The following AGPAT5 variants were observed in gnomAD, a reference collection of about 807,000 sequenced individuals.
The protein encoded by AGPAT5 is 1-acyl-sn-glycerol-3-phosphate acyltransferase epsilon.
A neutral mutation model predicts 45.6 loss-of-function variants in AGPAT5; 46 were observed. That is an observed-to-expected ratio of 1.01 (90% CI 0.80 to 1.29). AGPAT5 has a LOEUF of 1.29. AGPAT5 is among the 50% of genes most tolerant of loss of function. The pLI, the probability that AGPAT5 is intolerant of heterozygous loss-of-function variation, is 0.00. For synonymous variants in AGPAT5, 272 were observed against 167.0 expected (o/e 1.63, Z -4.85); for missense variants, 673 against 450.7 (o/e 1.49, Z -4.47).
At chr8:6,724,697 T>C (rs1263285908) in intron 1 of AGPAT5, among the ~76,000 whole-genome samples, 173 bp from the exon 2 acceptor site, 1 of 152,206 alleles carries the variant, frequency 6.6e-6, no homozygotes, top group Non-Finnish European at 1.5e-5. Flanking sequence ...CATAACTGCT[T>C]TCTGTACCTG....
At chr8:6,723,153 T>A (rs1336159777) in intron 1 of AGPAT5, among the ~76,000 whole-genome samples, 2 of 152,338 alleles carry the variant, frequency 1.3e-5, no homozygotes, top group South Asian at 4.1e-4. Flanking sequence ...TAGCTTTGCC[T>A]ACTGGTGACA....
chr8:6,746,562 A>G (rs191378128), intron 5 of AGPAT5, among the ~76,000 whole-genome samples: 1 of 152,256 alleles, frequency 6.6e-6, no homozygotes, highest in Non-Finnish European at 1.5e-5. Flanking sequence ...TGACAAATAA[A>G]TGCTTCCCAG....
At chr8:6,737,365 G>T (rs938552003) in intron 4 of AGPAT5, among the ~76,000 whole-genome samples, 1 of 152,178 alleles carries the variant, frequency 6.6e-6, no homozygotes, top group Admixed American at 6.5e-5. Context: ...GTCAACTTTC[G>T]TGTGGCTTAC....
chr8:6,732,206 C>G (rs1800888477), intron 3 of AGPAT5, among the ~76,000 whole-genome samples: 1 of 152,042 alleles, frequency 6.6e-6, no homozygotes, highest in Non-Finnish European at 1.5e-5. Flanking sequence ...TTTAGTGACT[C>G]TGTAATAAGT....
intron 1 of AGPAT5, among the ~76,000 whole-genome samples, chr8:6,712,120 G>A (rs1225938146): frequency 2.6e-5 from 4 of 151,920 alleles, no homozygotes; most frequent in Admixed American, 2.0e-4. Flanking sequence ...ATTTCTTTAG[G>A]TATTTACGTA....
In AGPAT5 at chr8:6,757,355, A is replaced by G; in HGVS notation, c.1062A>G (p.Leu354=). ...LYVNTWIYGT[L]LGCLWVTIKA ...TGAACACCTGGATATATGGAACCCT[A>G]CTTGGCTGCCTGTGGGTTACTATTA... Residue 354 remains leucine (L), a synonymous_variant, in exon 8 of 8, where the codon CTA becomes CTG. Coordinates refer to ENST00000285518, the MANE Select transcript of AGPAT5 (RefSeq NM_018361.5). 1 of 1,614,206 alleles carries G rather than the reference A, an allele frequency of 6.2e-7. No homozygotes were observed. Among genetic ancestry groups the G allele is most frequent in the Non-Finnish European group, 8.5e-7 (1 of 1,180,034 alleles).
At chr8:6,747,864 G>T (rs372979832) in intron 6 of AGPAT5, 36 bp downstream of exon 6, 5 of 1,595,916 alleles carry the variant, frequency 3.1e-6, no homozygotes, top group Non-Finnish European at 4.3e-6. Context: ...GCCTGTACAC[G>T]GTATATACAG....
chr8:6,747,370 C>G (rs1025452718), intron 5 of AGPAT5, among the ~76,000 whole-genome samples: 7 of 152,198 alleles, frequency 4.6e-5, no homozygotes, highest in Non-Finnish European at 8.8e-5. Flanking sequence ...AGCGAGGGCA[C>G]TAATATTTAC....
At chr8:6,756,828 A>T (rs1488851579) in intron 7 of AGPAT5, among the ~76,000 whole-genome samples, 2 of 152,098 alleles carry the variant, frequency 1.3e-5, no homozygotes, top group African/African-American at 4.8e-5. Context: ...AAAAAGGAGG[A>T]GAAGCTGCAG....
chr8:6,732,359 G>GT (rs903735796), intron 3 of AGPAT5, among the ~76,000 whole-genome samples: 22 of 152,270 alleles, frequency 1.4e-4, no homozygotes, highest in African/African-American at 5.3e-4. Context: ...GTCACATGCA[G>GT]TTTTTTTGAA....
At chr8:6,725,770 T>G (rs1357418296) in intron 2 of AGPAT5, among the ~76,000 whole-genome samples, 4 of 152,146 alleles carry the variant, frequency 2.6e-5, no homozygotes, top group African/African-American at 9.7e-5. Flanking sequence ...ACCTAGAAGC[T>G]CAAAGCTGGA....
At chr8:6,712,091 T>C (rs1410715397) in intron 1 of AGPAT5, among the ~76,000 whole-genome samples, 2 of 152,232 alleles carry the variant, frequency 1.3e-5, no homozygotes, top group Non-Finnish European at 2.9e-5. Flanking sequence ...TGTAGTTATT[T>C]CGTAGTTTAA....
rs1801879121 is a variant in AGPAT5, at chr8:6,757,328, T to C, written c.1035T>C (p.Tyr345=). The C allele has an allele frequency of 1.2e-6, 2 of 1,614,232 alleles. No individual in the cohort carries two copies. Among genetic ancestry groups the C allele is most frequent in the Non-Finnish European group, 1.7e-6 (2 of 1,180,038 alleles). The change falls in exon 8 of 8, where the codon TAT becomes TAC. Residue 345 remains tyrosine, a synonymous_variant. Coordinates refer to ENST00000285518, the MANE Select transcript of AGPAT5 (RefSeq NM_018361.5). ...TGACCGATGCTGGAAGGAAGCTGTA[T>C]GTGAACACCTGGATATATGGAACCC... ...MLMTDAGRKL[Y]VNTWIYGTLL...
intron 6 of AGPAT5, among the ~76,000 whole-genome samples, chr8:6,748,194 C>T (rs754968817): frequency 3.9e-5 from 6 of 152,036 alleles, no homozygotes; most frequent in African/African-American, 1.4e-4. Context: ...CTGTATTTTT[C>T]GTAAAATATT....
At chr8:6,756,681 A>T (rs542512262) in intron 7 of AGPAT5, among the ~76,000 whole-genome samples, 1 of 151,178 alleles carries the variant, frequency 6.6e-6, no homozygotes, top group African/African-American at 2.4e-5. Flanking sequence ...TTTTATTCAT[A>T]TATCAGGGAC....
intron 5 of AGPAT5, among the ~76,000 whole-genome samples, chr8:6,744,327 G>T (rs1801351422): frequency 6.6e-6 from 1 of 152,204 alleles, no homozygotes; most frequent in Non-Finnish European, 1.5e-5. Flanking sequence ...CTAGTGCTCA[G>T]CTTTGTGTGG....
At chr8:6,749,943 G>A (rs939242726) in intron 6 of AGPAT5, among the ~76,000 whole-genome samples, 1 of 152,154 alleles carries the variant, frequency 6.6e-6, no homozygotes, top group Non-Finnish European at 1.5e-5. Context: ...CCTTGCCTTC[G>A]CTTCCTCCTG....
intron 1 of AGPAT5, among the ~76,000 whole-genome samples, chr8:6,722,113 A>G (rs1156461036): frequency 3.3e-5 from 5 of 152,194 alleles, no homozygotes; most frequent in African/African-American, 1.2e-4. Context: ...TGACTAGGAA[A>G]TGTATAGTAA....
In AGPAT5 at chr8:6,708,723, G is replaced by A. The variant is rs1298152360; in HGVS notation, c.55G>A (p.Val19Ile). 5.0e-6 allele frequency: 8 copies of A among 1,606,912 alleles called. No homozygotes were observed. The East Asian group carries it at 1.3e-4, about 27-fold the overall frequency. Reference sequence around the variant, plus strand: ...CTCCATGCGCTACCTGCTGCCCAGCGTCGTGCTCCTGGGCACGGCGCCCAC... The same window carrying A: ...CTCCATGCGCTACCTGCTGCCCAGCATCGTGCTCCTGGGCACGGCGCCCAC... The part of the protein sequence containing the change: ...TYSMRYLLPS[V>I]VLLGTAPTYV... The change falls in exon 1 of 8, where the codon GTC becomes ATC. Residue 19 changes from valine (V) to isoleucine (I), a missense_variant. Transcript: ENST00000285518.
Sources: allele counts gnomAD v4.1 joint callset (sites outside exome capture counted in the v4.1 genomes callset), GRCh38; gene constraint gnomAD v4.1.1; transcripts MANE v1.5; gene names NCBI Gene and HGNC (gene_info 2026-07-23, HGNC 2026-07-21).